The following MYL2 variants were observed in gnomAD, a reference collection of about 807,000 sequenced individuals.
The protein encoded by MYL2 is myosin regulatory light chain 2, ventricular/cardiac muscle isoform.
In MYL2, 19 loss-of-function variants were observed where a neutral mutation model predicts 23.0. The ratio of observed to expected loss-of-function variants is 0.83; its 90% CI spans 0.58 to 1.21. MYL2 has a LOEUF of 1.21. Among genes scored for constraint, MYL2 ranks in the 50% most tolerant of loss-of-function variants. MYL2 has a pLI of 0.00. For synonymous variants in MYL2, 78 were observed against 76.2 expected, an observed-to-expected ratio of 1.02 and a Z score of -0.13; for missense variants, 180 against 215.1, an observed-to-expected ratio of 0.84 and a Z score of 1.02.
chr12:110,921,113 CG>C (rs2136780137), upstream of MYL2, among the ~76,000 whole-genome samples: 1 of 152,346 alleles, frequency 6.6e-6, no homozygotes, highest in South Asian at 2.1e-4. Flanking sequence ...AATCCCAGCA[CG>C]GCGGGAGGCC....
At chr12:110,919,798 C>A (rs1255017235) in intron 1 of MYL2, among the ~76,000 whole-genome samples, 2 of 152,224 alleles carry the variant, frequency 1.3e-5, no homozygotes, top group Non-Finnish European at 2.9e-5. Context: ...TTCTCTCTGA[C>A]TTTCAATAAC....
chr12:110,911,058 C>G lies in MYL2; in HGVS notation c.*19G>C, dbSNP rs2520215. On this transcript the variant is annotated 3_prime_UTR_variant, in exon 7 of 7. Transcript: ENST00000228841. ...CCACTCTGCAAAGACGAGCCCAGGG[C>G]GCAGCAGCGAGCCCCCTCCTAGTCC... 4 of 1,605,330 alleles carry G rather than the reference C, an allele frequency of 2.5e-6. No individual in the cohort carries two copies. The highest frequency in any genetic ancestry group is 3.4e-6 in the Non-Finnish European group (4 of 1,172,202).
At position 110,911,122 on chromosome 12, in the gene MYL2, G is replaced by A. The variant is rs199815885; in HGVS notation, c.456C>T (p.Tyr152=). The part of the protein sequence containing the change: ...FPPDVTGNLD[Y]KNLVHIITHG... The stretch of plus-strand genomic sequence containing the variant: ...GGGTGATGATGTGCACCAGGTTCTT[G>A]TAGTCCAAGTTGCCAGTCACGTCAG... The change falls in exon 7 of 7, where the codon TAC becomes TAT. Residue 152 remains tyrosine (Y), a synonymous_variant. Transcript: ENST00000228841. The A allele has an allele frequency of 3.2e-5, 52 of 1,613,252 alleles. No individual in the cohort carries two copies. In the East Asian group the frequency reaches 9.6e-4, roughly 30 times the overall value.
chr12:110,913,621 CATCTGT>C (rs1278295851), intron 4 of MYL2, among the ~76,000 whole-genome samples: 16 of 152,250 alleles, frequency 1.1e-4, no homozygotes, highest in African/African-American at 2.6e-4. Flanking sequence ...CTCAGTTCCC[CATCTGT>C]AAACTGGTGA....
chr12:110,921,373 TAACAC>T (rs891134768), upstream of MYL2, among the ~76,000 whole-genome samples: 2 of 151,898 alleles, frequency 1.3e-5, no homozygotes, highest in Non-Finnish European at 2.9e-5. Flanking sequence ...AACAAACAAA[TAACAC>T]AGCCACGCAC....
intron 1 of MYL2, 76 bp downstream of exon 1, chr12:110,920,451 C>T: frequency 1.2e-6 from 2 of 1,609,960 alleles, no homozygotes; most frequent in Non-Finnish European, 8.5e-7. Flanking sequence ...TCCCCCTCCG[C>T]CGTGGTCCCT....
upstream of MYL2, chr12:110,920,720 C>T (rs1326300170): frequency 1.8e-5 from 14 of 775,600 alleles, no homozygotes; most frequent in Non-Finnish European, 3.0e-5. Context: ...GTAAGGGTGG[C>T]TCACTCGCCA....
intron 1 of MYL2, among the ~76,000 whole-genome samples, 165 bp downstream of exon 1, chr12:110,920,362 T>C (rs1361924104): frequency 6.6e-6 from 1 of 152,042 alleles, no homozygotes; most frequent in Non-Finnish European, 1.5e-5. Flanking sequence ...TATCGGGGCA[T>C]TGATTGGGGT....
chr12:110,913,322 C>T lies in MYL2; in HGVS notation c.277G>A (p.Ala93Thr). Residue 93 changes from alanine to threonine, a missense_variant and splice_region_variant, in exon 5 of 7, where the codon GCG (alanine) becomes ACG (threonine). Physicochemically the swap from Ala to Thr is moderately conservative, Grantham distance 58. Transcript: ENST00000228841. ...TTGAGAATGGTTTCCTCAGGGTCCG[C>T]TCCTGAAACGGAACACAGGGCTTAC... Reference protein sequence around the residue: ...LTMFGEKLKGADPEETILNAF... With the variant: ...LTMFGEKLKGTDPEETILNAF... 1.2e-6 allele frequency: 2 copies of T among 1,614,208 alleles called. No individual in the cohort carries two copies. Among genetic ancestry groups the T allele is most frequent in the Non-Finnish European group, 1.7e-6 (2 of 1,180,034 alleles).
upstream of MYL2, chr12:110,920,667 G>A (rs1762873492): frequency 3.0e-5 from 39 of 1,282,022 alleles, no homozygotes; most frequent in South Asian, 3.7e-4. Flanking sequence ...TAGGTGAGGC[G>A]GGCACCACCT....
chr12:110,920,220 A>C (rs942525767), intron 1 of MYL2, among the ~76,000 whole-genome samples: 2 of 152,228 alleles, frequency 1.3e-5, no homozygotes, highest in Non-Finnish European at 2.9e-5. Flanking sequence ...TTTGATCCTT[A>C]AAAGCATTCA....
Position 110,918,198 on chromosome 12 carries a change from A to C in MYL2, c.93+906T>G, listed in dbSNP as rs1435242292. Among the ~76,000 whole-genome samples the C allele has an allele frequency of 6.6e-6, 1 of 152,174 alleles. No homozygotes were observed. Among genetic ancestry groups the C allele is most frequent in the African/African-American group, 2.4e-5 (1 of 41,448 alleles). On this transcript the variant is annotated intron_variant, in intron 2 of 6. Transcript: ENST00000228841. The surrounding 1 kb of genome is among the most constrained non-coding windows in gnomAD (Gnocchi z 4.4). ...TGTGAGCCCTCGCAACGGCTGGAAA[A>C]TGAATTCTGAGCCTGTCCATCCAAG...
chr12:110,914,467 T>A (rs2071676307), intron 3 of MYL2, 177 bp from the exon 4 acceptor site: 4 of 657,792 alleles, frequency 6.1e-6, no homozygotes, highest in South Asian at 1.6e-5. Context: ...TTATTTATAA[T>A]AACCAAATGA....
chr12:110,920,812 C>T (rs1341239243), upstream of MYL2: 22 of 577,106 alleles, frequency 3.8e-5, no homozygotes, highest in South Asian at 1.8e-4. Context: ...AGAGATGCTG[C>T]GCGCTCTCTG....
upstream of MYL2, among the ~76,000 whole-genome samples, chr12:110,921,285 C>T (rs187346459): frequency 7.2e-5 from 11 of 152,284 alleles, no homozygotes; most frequent in East Asian, 3.9e-4. Context: ...CACTTGGGCC[C>T]GGGAGGTTGA....
chr12:110,920,308 AT>A lies in MYL2; in HGVS notation c.3+218del, dbSNP rs3216816. 0.4 allele frequency among the ~76,000 whole-genome samples: 61,191 copies of A among 151,724 alleles called. 12,502 individuals carry two copies. The highest frequency in any genetic ancestry group is 0.46 in the African/African-American group (18,911 of 41,346). On this transcript the variant is annotated intron_variant, in intron 1 of 6. Transcript: ENST00000228841. Reference sequence around the variant, plus strand: ...AAGCCATAAAAAAGCCAACTCTCTTATTTTGTGTTTGTGAGTCCCCGAGAGC... The same window carrying A: ...AAGCCATAAAAAAGCCAACTCTCTTATTTGTGTTTGTGAGTCCCCGAGAGC...
At chr12:110,911,850 GTTA>G (rs1160322574) in intron 6 of MYL2, among the ~76,000 whole-genome samples, 3 of 152,212 alleles carry the variant, frequency 2.0e-5, no homozygotes, top group Non-Finnish European at 4.4e-5. Flanking sequence ...GCATTGGCTA[GTTA>G]TTATTATTAT....
chr12:110,914,950 A>G (rs1380535937), intron 3 of MYL2, among the ~76,000 whole-genome samples: 1 of 152,240 alleles, frequency 6.6e-6, no homozygotes, highest in Non-Finnish European at 1.5e-5. Context: ...GAGACAGATC[A>G]GGATCACCTG....
Position 110,913,076 on chromosome 12 carries a change from T to C in MYL2, c.402+20A>G, listed in dbSNP as rs756173036. 2 of 1,613,488 alleles carry C rather than the reference T, an allele frequency of 1.2e-6. No individual in the cohort carries two copies. Among genetic ancestry groups the C allele is most frequent in the South Asian group, 1.1e-5 (1 of 91,062 alleles). ...AACCCAGGAGCTGGGTTAGAGGGAG[T>C]GCTTGAAGGACCCCATTACCTCCTC... On this transcript the variant is annotated intron_variant, in intron 6 of 6. Transcript: ENST00000228841.
Sources: gnomAD v4.1 joint callset for allele counts (sites outside exome capture counted in the v4.1 genomes callset) on GRCh38, gnomAD v4.1.1 for gene constraint, Gnocchi (gnomAD v3.1) non-coding constraint, MANE v1.5 for transcripts, NCBI Gene and HGNC (gene_info 2026-07-23, HGNC 2026-07-21) for gene names.